The following PRPF18 variants were observed in gnomAD, a reference collection of about 807,000 sequenced individuals.
The protein encoded by PRPF18 is pre-mRNA processing factor 18.
In PRPF18, 38 loss-of-function variants were observed where a neutral mutation model predicts 46.5. That is an observed-to-expected ratio of 0.82 (90% CI 0.63 to 1.07). The LOEUF (loss-of-function observed/expected upper bound fraction) is 1.07. PRPF18 is among the 50% of genes least tolerant of loss of function. The pLI, the probability that PRPF18 is intolerant of heterozygous loss-of-function variation, is 0.00. For missense variants in PRPF18, 263 were observed against 410.0 expected, an observed-to-expected ratio of 0.64 and a Z score of 3.10; for synonymous variants, 152 against 146.7, an observed-to-expected ratio of 1.04 and a Z score of -0.26.
the PRPF18 span, chr10:13,641,926 G>T: frequency 2.0e-5 from 3 of 152,290 alleles, no homozygotes; most frequent in African/African-American, 7.2e-5. Flanking sequence ...AATTTATGAA[G>T]ATAGAAATGG....
intron 3 of PRPF18, among the ~76,000 whole-genome samples, chr10:13,603,246 A>C (rs1487014523): frequency 6.6e-6 from 1 of 152,034 alleles, no homozygotes; most frequent in African/African-American, 2.4e-5. Context: ...TCAGAGGCTT[A>C]AGTTCTTTCA....
the PRPF18 span, chr10:13,641,259 T>G: frequency 1.3e-5 from 2 of 152,254 alleles, no homozygotes; most frequent in African/African-American, 2.4e-5. Context: ...CTTGGATGAT[T>G]CCCAGATTTT....
Position 13,616,296 on chromosome 10 carries a change from G to A in PRPF18, c.793-102G>A, listed in dbSNP as rs2080340812. ...ATATTTTCCATGTGCCCAAAAGGTG[G>A]ACGAAAATTACATCATAAAGGGCTG... On this transcript the variant is annotated intron_variant, in intron 8 of 9. Transcript: ENST00000378572. 5 of 1,265,622 alleles carry A rather than the reference G, an allele frequency of 4.0e-6. No individual in the cohort carries two copies. The South Asian group carries it at 4.5e-5, about 11-fold the overall frequency. The allele number at this position is 1,265,622 out of a possible 1,614,324, so 78.4% of individuals were successfully genotyped here.
At chr10:13,624,142 G>A (rs1212955636) in intron 9 of PRPF18, among the ~76,000 whole-genome samples, 1 of 152,144 alleles carries the variant, frequency 6.6e-6, no homozygotes, top group Non-Finnish European at 1.5e-5. Context: ...ATGCCTGGCT[G>A]ATTTTTTTTG....
At chr10:13,655,348 T>C in the PRPF18 span, 1 of 152,110 alleles carries the variant, frequency 6.6e-6, no homozygotes, top group Non-Finnish European at 1.5e-5. Flanking sequence ...GTTGGAGATA[T>C]TTACAAAACG....
At chr10:13,603,263 T>A (rs752472802) in intron 3 of PRPF18, among the ~76,000 whole-genome samples, 3 of 151,500 alleles carry the variant, frequency 2.0e-5, no homozygotes, top group Non-Finnish European at 4.4e-5. Flanking sequence ...TTCACTGATG[T>A]CCCTTTAGTC....
intron 1 of PRPF18, among the ~76,000 whole-genome samples, chr10:13,596,482 TGAG>T (rs2080037165): frequency 1.3e-5 from 2 of 152,306 alleles, no homozygotes; most frequent in African/African-American, 4.8e-5. Context: ...TTTGGAACTA[TGAG>T]GTGCTAAATA....
chr10:13,632,116 C>A, downstream of PRPF18: 1 of 152,682 alleles, frequency 6.5e-6, no homozygotes, highest in African/African-American at 2.4e-5. Context: ...CCGAGGTGGG[C>A]AGATCACGAG....
chr10:13,607,105 T>G (rs571384766), intron 4 of PRPF18, among the ~76,000 whole-genome samples: 96 of 152,338 alleles, frequency 6.3e-4, no homozygotes, highest in African/African-American at 2.3e-3. Context: ...TTTATTTATT[T>G]TTTTGACACA....
intron 1 of PRPF18, among the ~76,000 whole-genome samples, chr10:13,593,862 G>A (rs902493001): frequency 2.6e-5 from 4 of 152,120 alleles, no homozygotes; most frequent in African/African-American, 7.2e-5. Context: ...GAGAATGAAA[G>A]GATGGGAAAT....
chr10:13,653,662 T>C, the PRPF18 span, among the ~76,000 whole-genome samples: 1 of 152,132 alleles, frequency 6.6e-6, no homozygotes, highest in East Asian at 1.9e-4. Context: ...CCTCCTTAAC[T>C]CCTCTAACCA....
At chr10:13,646,067 CTCTT>C in the PRPF18 span, 115 of 152,594 alleles carry the variant, frequency 7.5e-4, 2 homozygotes, top group African/African-American at 2.6e-3. Context: ...CCACAGGTCT[CTCTT>C]TGTGTCCAGA....
At chr10:13,600,578 A>G (rs1201745464) in intron 3 of PRPF18, among the ~76,000 whole-genome samples, 1 of 152,210 alleles carries the variant, frequency 6.6e-6, no homozygotes, top group Non-Finnish European at 1.5e-5. Flanking sequence ...TAAAAAATAA[A>G]CATGAATATT....
At chr10:13,608,865 G>C (rs2080229079) in intron 4 of PRPF18, among the ~76,000 whole-genome samples, 1 of 152,146 alleles carries the variant, frequency 6.6e-6, no homozygotes, top group Admixed American at 6.5e-5. Context: ...TCAATTATTT[G>C]GCCGTTGGCA....
At chr10:13,605,917 T>C (rs772525694) in intron 4 of PRPF18, among the ~76,000 whole-genome samples, 173 bp downstream of exon 4, 13 of 152,204 alleles carry the variant, frequency 8.5e-5, no homozygotes, top group Non-Finnish European at 1.9e-4. Flanking sequence ...AGTATAACAT[T>C]TAATGCATTT....
At chr10:13,603,207 G>A (rs1026295782) in intron 3 of PRPF18, among the ~76,000 whole-genome samples, 4 of 152,064 alleles carry the variant, frequency 2.6e-5, no homozygotes, top group African/African-American at 9.7e-5. Flanking sequence ...TTTGCTCAGC[G>A]AGCGTCTATT....
chr10:13,590,867 G>T (rs1784277059), intron 1 of PRPF18, among the ~76,000 whole-genome samples: 1 of 152,098 alleles, frequency 6.6e-6, no homozygotes, highest in South Asian at 2.1e-4. Context: ...CAGATAGAAT[G>T]GATATTTATT....
chr10:13,626,359 C>T (rs2080504729), intron 9 of PRPF18, among the ~76,000 whole-genome samples: 1 of 152,022 alleles, frequency 6.6e-6, no homozygotes, highest in Admixed American at 6.6e-5. Context: ...AGGGTAGTCT[C>T]ATGTTGGAGA....
chr10:13,625,938 A>G (rs1407995844), intron 9 of PRPF18, among the ~76,000 whole-genome samples: 5 of 152,248 alleles, frequency 3.3e-5, no homozygotes, highest in African/African-American at 7.2e-5. Context: ...CATTATCGTC[A>G]TAGCTGACAC....
Sources: gnomAD v4.1 joint callset for allele counts (sites outside exome capture counted in the v4.1 genomes callset) on GRCh38, gnomAD v4.1.1 for gene constraint, MANE v1.5 for transcripts, NCBI Gene and HGNC (gene_info 2026-07-23, HGNC 2026-07-21) for gene names.